The following TIMP3 variants were observed in gnomAD, a reference collection of about 807,000 sequenced individuals.
The protein encoded by TIMP3 is metalloproteinase inhibitor 3.
In TIMP3, 11 loss-of-function variants were observed where a neutral mutation model predicts 30.0. The ratio of observed to expected loss-of-function variants is 0.37; its 90% CI spans 0.23 to 0.61. The LOEUF (loss-of-function observed/expected upper bound fraction) is 0.61, where lower values mean the gene tolerates loss of function less well. Ranked by LOEUF, TIMP3 falls within the 20% of genes least tolerant of loss-of-function variation. The probability of loss-of-function intolerance (pLI) is 0.70; values close to 1 mark genes in which losing one functional copy is unlikely to be tolerated. For synonymous variants in TIMP3, 112 were observed against 111.3 expected (o/e 1.01, Z -0.04); for missense variants, 181 against 276.8 (o/e 0.65, Z 2.45).
chr22:32,809,581 G>C (rs2046857773), intron 1 of TIMP3, among the ~76,000 whole-genome samples: 1 of 152,038 alleles, frequency 6.6e-6, no homozygotes, highest in Non-Finnish European at 1.5e-5. Context: ...GTTTGGAACA[G>C]TTATCCGACA....
intron 1 of TIMP3, among the ~76,000 whole-genome samples, chr22:32,842,505 C>T (rs2047939165): frequency 6.6e-6 from 1 of 152,180 alleles, no homozygotes; most frequent in African/African-American, 2.4e-5. Flanking sequence ...TGCTGAATCA[C>T]AAGAATCTTT....
chr22:32,808,960 A>C (rs928008840), intron 1 of TIMP3, among the ~76,000 whole-genome samples: 2 of 152,196 alleles, frequency 1.3e-5, no homozygotes, highest in African/African-American at 4.8e-5. Context: ...ATTACTTGAT[A>C]AGTCTAGTCC....
chr22:32,838,704 T>C (rs1439195725), intron 1 of TIMP3, among the ~76,000 whole-genome samples: 1 of 152,034 alleles, frequency 6.6e-6, no homozygotes, highest in Admixed American at 6.6e-5. Context: ...AGTAACTCTA[T>C]GGAACAAGGA....
intron 1 of TIMP3, among the ~76,000 whole-genome samples, chr22:32,809,529 T>C (rs1020632506): frequency 2.0e-5 from 3 of 152,074 alleles, no homozygotes; most frequent in Non-Finnish European, 2.9e-5. Flanking sequence ...TTCAACACTA[T>C]GGAATTTTTT....
chr22:32,847,687 A>ATGTGTG lies in TIMP3; in HGVS notation c.122-1755_122-1750dup, dbSNP rs561103406. On this transcript the variant is annotated intron_variant, in intron 1 of 4. Coordinates refer to ENST00000266085, the MANE Select transcript of TIMP3 (RefSeq NM_000362.5). ...GAGGAAGGATAATGGAGCTACCAAAATGTGTGTGTGTGTGTTTGTGTTTGT... is the reference window on the plus strand; with the variant it reads ...GAGGAAGGATAATGGAGCTACCAAAATGTGTGTGTGTGTGTGTGTGTTTGTGTTTGT... Among the ~76,000 whole-genome samples the ATGTGTG allele has an allele frequency of 4.1e-4, 62 of 152,110 alleles. No individual in the cohort carries two copies. In the East Asian group the frequency reaches 9.3e-3, roughly 23 times the overall value.
chr22:32,820,289 G>T (rs130286), intron 1 of TIMP3, among the ~76,000 whole-genome samples: 9 of 142,336 alleles, frequency 6.3e-5, no homozygotes, highest in East Asian at 2.2e-4. Context: ...TGTGTGTGTG[G>T]TGTGTGTGGT....
At chr22:32,814,045 A>G (rs2046989269) in intron 1 of TIMP3, among the ~76,000 whole-genome samples, 1 of 151,670 alleles carries the variant, frequency 6.6e-6, no homozygotes, top group Admixed American at 6.6e-5. Context: ...ATTCAATAAA[A>G]GTATCATGAA....
At chr22:32,829,498 G>A (rs2047513301) in intron 1 of TIMP3, among the ~76,000 whole-genome samples, 1 of 152,196 alleles carries the variant, frequency 6.6e-6, no homozygotes, top group Non-Finnish European at 1.5e-5. Context: ...GAATTGATCG[G>A]TGCCAGATGC....
chr22:32,851,929 C>T (rs774897576), intron 2 of TIMP3, among the ~76,000 whole-genome samples: 1 of 152,158 alleles, frequency 6.6e-6, no homozygotes, highest in Non-Finnish European at 1.5e-5. Context: ...AGTAATAGTC[C>T]GTCCATCCAT....
At chr22:32,855,183 C>A (rs1001643429) in intron 2 of TIMP3, among the ~76,000 whole-genome samples, 2 of 152,218 alleles carry the variant, frequency 1.3e-5, no homozygotes, top group African/African-American at 4.8e-5. Flanking sequence ...TTGTGCAACA[C>A]CTTGGTGCCC....
At chr22:32,829,176 A>G (rs1039192071) in intron 1 of TIMP3, among the ~76,000 whole-genome samples, 4 of 152,098 alleles carry the variant, frequency 2.6e-5, no homozygotes, top group African/African-American at 9.7e-5. Context: ...CCCCCATCCC[A>G]TTGCCGGCTT....
intron 1 of TIMP3, among the ~76,000 whole-genome samples, chr22:32,820,625 T>A (rs2047219534): frequency 6.6e-6 from 1 of 152,088 alleles, no homozygotes; most frequent in Non-Finnish European, 1.5e-5. Context: ...CATGCTTGCT[T>A]AGGGTTGGGC....
intron 1 of TIMP3, among the ~76,000 whole-genome samples, chr22:32,826,879 G>A (rs1411082239): frequency 6.6e-6 from 1 of 152,154 alleles, no homozygotes; most frequent in African/African-American, 2.4e-5. Flanking sequence ...ACAACCCTAG[G>A]AGCCTGCTGC....
intron 1 of TIMP3, among the ~76,000 whole-genome samples, chr22:32,828,406 C>T (rs1309324199): frequency 7.2e-5 from 11 of 152,184 alleles, no homozygotes; most frequent in African/African-American, 1.9e-4. Flanking sequence ...TGCCATCTGC[C>T]GGCTGCTGTG....
chr22:32,811,673 G>A lies in TIMP3; in HGVS notation c.121+9551G>A, dbSNP rs115930274. On this transcript the variant is annotated intron_variant, in intron 1 of 4. Transcript: ENST00000266085. ...TCATTTGATGACAACTTCGCAACGA[G>A]GAAAGCAGGATGGTGATTGGGGGGT... Among the ~76,000 whole-genome samples the A allele has an allele frequency of 5.7e-3, 866 of 152,264 alleles. 11 individuals carry two copies. Among genetic ancestry groups the A allele is most frequent in the African/African-American group, 0.018 (750 of 41,558 alleles).
At chr22:32,836,189 A>T (rs995194393) in intron 1 of TIMP3, among the ~76,000 whole-genome samples, 2 of 152,202 alleles carry the variant, frequency 1.3e-5, no homozygotes, top group Non-Finnish European at 2.9e-5. Flanking sequence ...TAAGAGTAAG[A>T]TGTACTGTTT....
chr22:32,818,416 G>A (rs1236082897), intron 1 of TIMP3, among the ~76,000 whole-genome samples: 1 of 152,130 alleles, frequency 6.6e-6, no homozygotes, highest in Non-Finnish European at 1.5e-5. Context: ...TCCAGAAAAT[G>A]GGACCCCAGG....
intron 1 of TIMP3, among the ~76,000 whole-genome samples, chr22:32,810,846 C>A (rs987400273): frequency 6.6e-6 from 1 of 152,100 alleles, no homozygotes; most frequent in Admixed American, 6.6e-5. Flanking sequence ...GAAGGGCTCC[C>A]TTTTGACTTA....
chr22:32,852,498 G>A (rs1260888627), intron 2 of TIMP3, among the ~76,000 whole-genome samples: 3 of 152,156 alleles, frequency 2.0e-5, no homozygotes, highest in Non-Finnish European at 4.4e-5. Flanking sequence ...TTTGGCACTG[G>A]TCCCTGGGAG....
Sources: gnomAD v4.1 joint callset for allele counts (sites outside exome capture counted in the v4.1 genomes callset) on GRCh38, gnomAD v4.1.1 for gene constraint, MANE v1.5 for transcripts, NCBI Gene and HGNC (gene_info 2026-07-23, HGNC 2026-07-21) for gene names.